The following NKAIN3 variants were observed in gnomAD, a reference collection of about 807,000 sequenced individuals.
The protein encoded by NKAIN3 is sodium/potassium transporting ATPase interacting 3.
A neutral mutation model predicts 30.2 loss-of-function variants in NKAIN3; 25 were observed. That is an observed-to-expected ratio of 0.83 (90% confidence interval 0.60 to 1.16). NKAIN3 has a LOEUF of 1.16. Ranked by LOEUF, NKAIN3 falls within the 50% of genes most tolerant of loss-of-function variation. NKAIN3 has a pLI of 0.00. For missense variants in NKAIN3, 225 were observed against 254.1 expected, an observed-to-expected ratio of 0.89 and a Z score of 0.78; for synonymous variants, 91 against 89.6, an observed-to-expected ratio of 1.02 and a Z score of -0.09.
rs976432359 is a variant in NKAIN3, at chr8:62,973,781, G to T, written c.*8374G>T. Among the ~76,000 whole-genome samples the T allele has an allele frequency of 2.0e-5, 3 of 152,046 alleles. No individual in the cohort carries two copies. Among genetic ancestry groups the T allele is most frequent in the Non-Finnish European group, 4.4e-5 (3 of 68,014 alleles). On this transcript the variant is annotated 3_prime_UTR_variant, in exon 7 of 7. Coordinates refer to ENST00000623646, the MANE Select transcript of NKAIN3 (RefSeq NM_001304533.3). Reference sequence around the variant, plus strand: ...TGGTATTGCTTAGGTTTTCTTCTAGGGTTTTAATGGCTTTGGGTTTTACAT... The same window carrying T: ...TGGTATTGCTTAGGTTTTCTTCTAGTGTTTTAATGGCTTTGGGTTTTACAT...
intron 1 of NKAIN3, among the ~76,000 whole-genome samples, chr8:62,487,871 T>G (rs571440332): frequency 6.6e-6 from 1 of 152,302 alleles, no homozygotes; most frequent in South Asian, 2.1e-4. Flanking sequence ...AAGTAGAGTT[T>G]GGGGTAGTAT....
At chr8:62,568,354 A>G (rs180851015) in intron 1 of NKAIN3, among the ~76,000 whole-genome samples, 3 of 152,212 alleles carry the variant, frequency 2.0e-5, no homozygotes, top group Non-Finnish European at 2.9e-5. Context: ...ATTAATAAAT[A>G]TAAAAAATTG....
chr8:62,556,344 T>C (rs1809385272), intron 1 of NKAIN3, among the ~76,000 whole-genome samples: 1 of 151,862 alleles, frequency 6.6e-6, no homozygotes, highest in Admixed American at 6.6e-5. Flanking sequence ...ATAACTCATA[T>C]ATATTTGAAA....
At chr8:62,794,221 G>C (rs1817784906) in intron 4 of NKAIN3, among the ~76,000 whole-genome samples, 1 of 152,164 alleles carries the variant, frequency 6.6e-6, no homozygotes, top group Non-Finnish European at 1.5e-5. Context: ...GGCTTGACTA[G>C]TAATAAGTGG....
intron 2 of NKAIN3, among the ~76,000 whole-genome samples, chr8:62,582,293 G>A (rs1377516638): frequency 6.6e-6 from 1 of 151,936 alleles, no homozygotes; most frequent in African/African-American, 2.4e-5. Flanking sequence ...GTTAGGTGTG[G>A]ACTATACTGG....
chr8:62,503,358 G>C (rs1298893889), intron 1 of NKAIN3, among the ~76,000 whole-genome samples: 1 of 152,172 alleles, frequency 6.6e-6, no homozygotes, highest in African/African-American at 2.4e-5. Flanking sequence ...AAAAGGCAGA[G>C]CAAAGATCAC....
intron 4 of NKAIN3, among the ~76,000 whole-genome samples, chr8:62,789,374 C>T (rs991435651): frequency 4.6e-5 from 7 of 152,142 alleles, no homozygotes; most frequent in Non-Finnish European, 8.8e-5. Context: ...GATTTTTGCA[C>T]ATTTATTTTG....
At chr8:62,787,569 T>C (rs1817562986) in intron 4 of NKAIN3, among the ~76,000 whole-genome samples, 1 of 152,226 alleles carries the variant, frequency 6.6e-6, no homozygotes, top group Admixed American at 6.5e-5. Flanking sequence ...AGGGTACATA[T>C]GCACAACGTG....
chr8:62,575,854 A>G (rs1810092704), intron 1 of NKAIN3, among the ~76,000 whole-genome samples: 1 of 152,116 alleles, frequency 6.6e-6, no homozygotes, highest in African/African-American at 2.4e-5. Flanking sequence ...TGCTAAAACC[A>G]TAAATTGGGG....
At chr8:62,948,602 T>C (rs879326060) in intron 5 of NKAIN3, among the ~76,000 whole-genome samples, 3 of 152,242 alleles carry the variant, frequency 2.0e-5, no homozygotes, top group Non-Finnish European at 4.4e-5. Context: ...CATTTTTCTG[T>C]GTATTAAAAG....
intron 3 of NKAIN3, among the ~76,000 whole-genome samples, chr8:62,654,175 A>G (rs1048750080): frequency 2.6e-5 from 4 of 152,014 alleles, no homozygotes; most frequent in Admixed American, 2.6e-4. Context: ...AATGCAAAAA[A>G]AAACTACAAT....
intron 1 of NKAIN3, among the ~76,000 whole-genome samples, chr8:62,312,475 C>T (rs1380198941): frequency 3.3e-5 from 5 of 150,404 alleles, no homozygotes; most frequent in Admixed American, 1.3e-4. Context: ...AAAAGAGAGA[C>T]AGGCAAATAT....
At chr8:62,647,394 T>C (rs890605127) in intron 3 of NKAIN3, among the ~76,000 whole-genome samples, 1 of 152,142 alleles carries the variant, frequency 6.6e-6, no homozygotes, top group Non-Finnish European at 1.5e-5. Flanking sequence ...GGAAAGCAAT[T>C]ATGAGCAAGG....
At chr8:62,285,565 T>C (rs1006699833) in intron 1 of NKAIN3, among the ~76,000 whole-genome samples, 1 of 152,098 alleles carries the variant, frequency 6.6e-6, no homozygotes, top group African/African-American at 2.4e-5. Context: ...CTGCTCCCAG[T>C]GGGGCTCTGA....
chr8:62,972,957 G>T lies in NKAIN3; in HGVS notation c.*7550G>T, dbSNP rs1303142487. Among the ~76,000 whole-genome samples the T allele has an allele frequency of 2.0e-5, 3 of 151,606 alleles. No homozygotes were observed. Among genetic ancestry groups the T allele is most frequent in the Non-Finnish European group, 2.9e-5 (2 of 67,972 alleles). On this transcript the variant is annotated 3_prime_UTR_variant, in exon 7 of 7. Transcript: ENST00000623646. ...TTTTGTTCCTGTGTTAGTTTGCTGAGAATGATGGTTTCCAGCTTCATCCAT... is the reference window on the plus strand; with the variant it reads ...TTTTGTTCCTGTGTTAGTTTGCTGATAATGATGGTTTCCAGCTTCATCCAT...
intron 4 of NKAIN3, among the ~76,000 whole-genome samples, chr8:62,914,862 G>A (rs1326079518): frequency 6.9e-6 from 1 of 144,162 alleles, no homozygotes; most frequent in Non-Finnish European, 1.5e-5. Flanking sequence ...AGGTATGCAT[G>A]TGCCATGGTG....
chr8:62,443,282 T>C (rs937525990), intron 1 of NKAIN3, among the ~76,000 whole-genome samples: 3 of 152,166 alleles, frequency 2.0e-5, no homozygotes, highest in African/African-American at 4.8e-5. Flanking sequence ...ATGATTATTA[T>C]GGACTTTTCA....
intron 4 of NKAIN3, among the ~76,000 whole-genome samples, chr8:62,842,375 A>G (rs1819558502): frequency 6.6e-6 from 1 of 152,146 alleles, no homozygotes; most frequent in Non-Finnish European, 1.5e-5. Context: ...ACACAAATAA[A>G]TTGAAAAATA....
intron 4 of NKAIN3, among the ~76,000 whole-genome samples, chr8:62,817,844 G>A (rs898838340): frequency 6.6e-6 from 1 of 152,154 alleles, no homozygotes; most frequent in Admixed American, 6.6e-5. Context: ...TCACAGACCA[G>A]GGTCCAGCAG....
Sources: gnomAD v4.1 joint callset for allele counts (sites outside exome capture counted in the v4.1 genomes callset) on GRCh38, gnomAD v4.1.1 for gene constraint, MANE v1.5 for transcripts, NCBI Gene and HGNC (gene_info 2026-07-23, HGNC 2026-07-21) for gene names.